The following CA5A variants were observed in gnomAD, a reference collection of about 807,000 sequenced individuals.
The protein encoded by CA5A is carbonic anhydrase 5A, mitochondrial.
CA5A carries 28 observed loss-of-function variants against 37.1 expected under a neutral mutation model. The ratio of observed to expected loss-of-function variants is 0.75; its 90% confidence interval spans 0.56 to 1.03. CA5A has a LOEUF of 1.03. Among genes scored for constraint, CA5A ranks in the 50% least tolerant of loss-of-function variants. CA5A has a pLI of 0.00. For synonymous variants in CA5A, 171 were observed against 158.4 expected (o/e 1.08, Z -0.60); for missense variants, 444 against 399.9 (o/e 1.11, Z -0.94).
At chr16:87,931,573 G>C (rs1421269279) in intron 1 of CA5A, among the ~76,000 whole-genome samples, 1 of 152,204 alleles carries the variant, frequency 6.6e-6, no homozygotes, top group African/African-American at 2.4e-5. Flanking sequence ...AGGAGAATAA[G>C]GGAGTAGAAT....
chr16:87,891,907 G>A lies in CA5A; in HGVS notation c.666C>T (p.Pro222=). The A allele has an allele frequency of 6.4e-7, 1 of 1,568,140 alleles. No individual in the cohort carries two copies. The highest frequency in any genetic ancestry group is 8.6e-7 in the Non-Finnish European group (1 of 1,158,284). ...MRPFDPSTLL[P]TCWDYWTYAG... ...CGTAGGTCCAGTAATCCCAGCAGGT[G>A]GGCAGCAGAGTGGAGGGGTCGAAGG... The change falls in exon 6 of 7, where the codon CCC becomes CCT. Residue 222 remains proline (P), a synonymous_variant. Coordinates refer to ENST00000649794, the MANE Select transcript of CA5A (RefSeq NM_001739.2).
chr16:87,933,265 T>C (rs577525516), intron 1 of CA5A, among the ~76,000 whole-genome samples: 179 of 152,374 alleles, frequency 1.2e-3, no homozygotes, highest in Middle Eastern at 6.8e-3. Flanking sequence ...GTAAATACTT[T>C]CACCATGGCC....
chr16:87,917,789 T>A (rs571341782), intron 2 of CA5A, among the ~76,000 whole-genome samples: 1,714 of 94,778 alleles, frequency 0.018, 31 homozygotes, highest in African/African-American at 0.12. Context: ...TGCACACATG[T>A]ATACACAGTG....
chr16:87,925,147 G>C (rs913010082), intron 2 of CA5A, among the ~76,000 whole-genome samples: 1 of 152,220 alleles, frequency 6.6e-6, no homozygotes, highest in South Asian at 2.1e-4. Context: ...GGAGGCAGAT[G>C]GGATGCCTGC....
At chr16:87,935,392 C>T (rs149100229) in intron 1 of CA5A, among the ~76,000 whole-genome samples, 70 of 152,270 alleles carry the variant, frequency 4.6e-4, no homozygotes, top group African/African-American at 1.5e-3. Context: ...TGCTTGAAAG[C>T]GTTCTCTGCC....
At chr16:87,917,822 AACACACATGCAC>A (rs2056175912) in intron 2 of CA5A, among the ~76,000 whole-genome samples, 1 of 143,322 alleles carries the variant, frequency 7.0e-6, no homozygotes, top group Non-Finnish European at 1.5e-5. Context: ...CATGCACACG[AACACACATGCAC>A]ACACACGTGC....
chr16:87,928,652 ATTTGGTG>A (rs1267265948), intron 1 of CA5A, among the ~76,000 whole-genome samples: 5 of 150,960 alleles, frequency 3.3e-5, no homozygotes, highest in African/African-American at 1.2e-4. Context: ...AAAATCCATT[ATTTGGTG>A]ATGATATTTA....
At chr16:87,909,099 G>A (rs1275121171) in intron 2 of CA5A, among the ~76,000 whole-genome samples, 1 of 151,694 alleles carries the variant, frequency 6.6e-6, no homozygotes, top group African/African-American at 2.4e-5. Context: ...CCAAAGTGCT[G>A]GGATTACAGA....
At position 87,888,281 on chromosome 16, in the gene CA5A, G is replaced by A; in HGVS notation, c.775-9C>T. 6.2e-7 allele frequency: 1 copy of A among 1,610,014 alleles called. No homozygotes were observed. Among genetic ancestry groups the A allele is most frequent in the Non-Finnish European group, 8.5e-7 (1 of 1,176,994 alleles). The stretch of plus-strand genomic sequence containing the variant: ...GTACGAAATGCAGAGAGCTGGAATA[G>A]AGGGCAGCCAGGGTGAGCTTGGTAT... On this transcript the variant is annotated splice_polypyrimidine_tract_variant and intron_variant, in intron 6 of 6. Transcript: ENST00000649794.
At chr16:87,890,815 A>T (rs1264628878) in intron 6 of CA5A, among the ~76,000 whole-genome samples, 1 of 151,316 alleles carries the variant, frequency 6.6e-6, no homozygotes, top group East Asian at 1.9e-4. Flanking sequence ...TTTATTTGAG[A>T]TGGAGTTTTG....
chr16:87,929,179 C>A (rs956388637), intron 1 of CA5A, among the ~76,000 whole-genome samples: 3 of 150,124 alleles, frequency 2.0e-5, no homozygotes, highest in African/African-American at 7.3e-5. Context: ...TGGCTGGGCG[C>A]GGTGGCTCAC....
At chr16:87,918,264 T>C (rs888766666) in intron 2 of CA5A, among the ~76,000 whole-genome samples, 1 of 152,196 alleles carries the variant, frequency 6.6e-6, no homozygotes, top group Non-Finnish European at 1.5e-5. Flanking sequence ...CTCCCGCACC[T>C]TTAGGGAATG....
intron 2 of CA5A, among the ~76,000 whole-genome samples, chr16:87,905,624 G>A (rs768471958): frequency 6.6e-5 from 10 of 152,216 alleles, no homozygotes; most frequent in Non-Finnish European, 1.3e-4. Flanking sequence ...CTCCCAAAGC[G>A]CTGGGATGAC....
At chr16:87,934,815 T>C (rs1022631066) in intron 1 of CA5A, among the ~76,000 whole-genome samples, 1 of 151,458 alleles carries the variant, frequency 6.6e-6, no homozygotes, top group Admixed American at 6.6e-5. Context: ...CAGAAATTAG[T>C]TGGGCGTGGT....
intron 1 of CA5A, among the ~76,000 whole-genome samples, chr16:87,933,274 C>A (rs1047662712): frequency 2.0e-5 from 3 of 152,210 alleles, no homozygotes; most frequent in African/African-American, 7.2e-5. Context: ...TTCACCATGG[C>A]CAATTTTAAG....
At chr16:87,929,822 A>G (rs2056373827) in intron 1 of CA5A, among the ~76,000 whole-genome samples, 1 of 133,958 alleles carries the variant, frequency 7.5e-6, no homozygotes, top group East Asian at 2.3e-4. Context: ...CAGTGAGCCG[A>G]GATCGCGCCA....
At chr16:87,921,857 ATTG>A (rs1458083549) in intron 2 of CA5A, among the ~76,000 whole-genome samples, 4 of 125,156 alleles carry the variant, frequency 3.2e-5, no homozygotes, top group East Asian at 2.2e-4. Context: ...TTTGTGTGTT[ATTG>A]TTATTATTAT....
chr16:87,905,046 G>A, intron 2 of CA5A, 142 bp from the exon 3 acceptor site: 1 of 692,080 alleles, frequency 1.4e-6, no homozygotes, highest in Non-Finnish European at 2.7e-6. Flanking sequence ...AGCCAAAGGT[G>A]GGCTCCGTGA....
chr16:87,931,172 C>T (rs901049305), intron 1 of CA5A, among the ~76,000 whole-genome samples: 1 of 148,292 alleles, frequency 6.7e-6, no homozygotes, highest in Middle Eastern at 3.5e-3. Flanking sequence ...AGTGCAGTGG[C>T]GTAATCTCAG....
Sources: gnomAD v4.1 joint callset for allele counts (sites outside exome capture counted in the v4.1 genomes callset) on GRCh38, gnomAD v4.1.1 for gene constraint, MANE v1.5 for transcripts, NCBI Gene and HGNC (gene_info 2026-07-23, HGNC 2026-07-21) for gene names.